The following ABCC6 variants were observed in gnomAD, a reference collection of about 807,000 sequenced individuals.
The protein encoded by ABCC6 is ATP binding cassette subfamily C member 6.
Under a neutral mutation model 169.5 loss-of-function variants are expected in ABCC6, and 126 were observed. The ratio of observed to expected loss-of-function variants is 0.74; its 90% CI spans 0.64 to 0.86. ABCC6 has a LOEUF of 0.86. ABCC6 is among the 40% of genes least tolerant of loss of function. The pLI is 0.00. For missense variants in ABCC6, 1,733 were observed against 1,927.2 expected, an observed-to-expected ratio of 0.90 and a Z score of 1.89; for synonymous variants, 752 against 814.7, an observed-to-expected ratio of 0.92 and a Z score of 1.31.
chr16:16,190,152 G>C lies in ABCC6; in HGVS notation c.1635+12C>G, dbSNP rs750152956. On this transcript the variant is annotated intron_variant, in intron 12 of 30. Coordinates refer to ENST00000205557, the MANE Select transcript of ABCC6 (RefSeq NM_001171.6). ...CCAGTGCTGCTCAGCATAGAGACTA[G>C]AGTGACGTCACCAGAAATGTAGACA... 1 of 1,612,990 alleles carries C rather than the reference G, an allele frequency of 6.2e-7. No homozygotes were observed. Among genetic ancestry groups the C allele is most frequent in the South Asian group, 1.1e-5 (1 of 91,002 alleles).
At chr16:16,209,951 G>A (rs1490683321) in intron 6 of ABCC6, among the ~76,000 whole-genome samples, 1 of 151,706 alleles carries the variant, frequency 6.6e-6, no homozygotes, top group Non-Finnish European at 1.5e-5. Context: ...GGCTGGTCTC[G>A]AACTCCCGGC....
Position 16,181,548 on chromosome 16 carries a change from G to C in ABCC6, c.2247+864C>G, listed in dbSNP as rs188804658. Among the ~76,000 whole-genome samples the C allele has an allele frequency of 2.1e-4, 32 of 152,256 alleles. 1 individual carries two copies. In the East Asian group the frequency reaches 6.2e-3, roughly 29 times the overall value. ...GCAGTGCAAAGGCCCTGGGGCCAGAGTGTGCTGTGGGGGATCAGGGAATAT... is the reference window on the plus strand; with the variant it reads ...GCAGTGCAAAGGCCCTGGGGCCAGACTGTGCTGTGGGGGATCAGGGAATAT... On this transcript the variant is annotated intron_variant, in intron 17 of 30. Coordinates refer to ENST00000205557, the MANE Select transcript of ABCC6 (RefSeq NM_001171.6).
intron 15 of ABCC6, among the ~76,000 whole-genome samples, chr16:16,183,530 C>T (rs968667787): frequency 6.6e-6 from 1 of 152,232 alleles, no homozygotes; most frequent in Non-Finnish European, 1.5e-5. Context: ...AGGGTCAAAG[C>T]TAAAGTCCTG....
Position 16,169,682 on chromosome 16 carries a change from G to T in ABCC6, c.2959C>A (p.Arg987Ser), listed in dbSNP as rs761565275. 1 of 1,611,352 alleles carries T rather than the reference G, an allele frequency of 6.2e-7. No individual in the cohort carries two copies. ...CCGAGGAGCCCGAAGATCCCGCCAC[G>T]CAGGGCTGCCTGCGTCTGCTGCCCA... ...VGGQQTQAALRGGIFGLLGCL... is the reference protein window; with the variant it reads ...VGGQQTQAALSGGIFGLLGCL... The change falls in exon 22 of 31, where the codon CGT (arginine) becomes AGT (serine). Residue 987 changes from arginine (R) to serine (S), a missense_variant. Physicochemically the swap from Arg to Ser is moderately radical, Grantham distance 110. Around this residue, in one of 5 missense-constraint regions of ABCC6, gnomAD observed 1,601 missense variants for 1,635.5 expected, o/e 0.98. Transcript: ENST00000205557.
At chr16:16,209,025 A>G (rs1352889403) in intron 6 of ABCC6, among the ~76,000 whole-genome samples, 166 bp from the exon 7 acceptor site, 1 of 152,036 alleles carries the variant, frequency 6.6e-6, no homozygotes, top group East Asian at 1.9e-4. Flanking sequence ...TAATGTCTGC[A>G]GGGCATTTCT....
intron 4 of ABCC6, 55 bp downstream of exon 4, chr16:16,219,499 C>T: frequency 2.6e-6 from 4 of 1,539,822 alleles, no homozygotes; most frequent in Admixed American, 1.9e-5. Context: ...AAGGAAGGGA[C>T]CCAAGGCATG....
intron 10 of ABCC6, among the ~76,000 whole-genome samples, 177 bp downstream of exon 10, chr16:16,197,844 A>C (rs1419810036): frequency 6.6e-6 from 1 of 151,720 alleles, no homozygotes; most frequent in Non-Finnish European, 1.5e-5. Flanking sequence ...TGCCTCTCTG[A>C]CACCAACCTG....
intron 25 of ABCC6, among the ~76,000 whole-genome samples, chr16:16,161,141 TC>T (rs1297650234): frequency 4.6e-5 from 7 of 152,202 alleles, no homozygotes; most frequent in African/African-American, 1.7e-4. Context: ...ACTAGAAATG[TC>T]CTCCACAGGA....
intron 21 of ABCC6, 85 bp downstream of exon 21, chr16:16,173,199 G>A: frequency 6.3e-7 from 1 of 1,579,940 alleles, no homozygotes; most frequent in Non-Finnish European, 8.7e-7. Context: ...GAGTATCACT[G>A]CCAAGTGCTA....
Position 16,188,761 on chromosome 16 carries a change from T to G in ABCC6, c.1779+70A>C, listed in dbSNP as rs1420784878. On this transcript the variant is annotated intron_variant, in intron 13 of 30. Transcript: ENST00000205557. ...CCCTCTCCTCTGCAAATGGCAGGGG[T>G]AGGGAAGCTGGAGCCAGGTGTAGCC... The G allele has an allele frequency of 2.6e-6, 4 of 1,542,548 alleles. No homozygotes were observed. In the African/African-American group the frequency reaches 4.1e-5, roughly 16 times the overall value.
At chr16:16,208,322 T>TG (rs2048461906) in intron 7 of ABCC6, among the ~76,000 whole-genome samples, 1 of 151,698 alleles carries the variant, frequency 6.6e-6, no homozygotes, top group African/African-American at 2.4e-5. Context: ...GGGGCTGGAC[T>TG]GGGGGTCAAA....
rs943238648 is a variant in ABCC6, at chr16:16,173,277, T to C, written c.2787+7A>G. 6.2e-7 allele frequency: 1 copy of C among 1,613,366 alleles called. No homozygotes were observed. The highest frequency in any genetic ancestry group is 1.7e-5 in the Admixed American group (1 of 59,932). ...GGTGGGGAGGGGTGGGTGAAGCTGG[T>C]GGTTACCCTGCCGTATTGGATGCTG... On this transcript the variant is annotated splice_region_variant and intron_variant, in intron 21 of 30. Coordinates refer to ENST00000205557, the MANE Select transcript of ABCC6 (RefSeq NM_001171.6).
At chr16:16,179,834 G>A (rs212069) in intron 17 of ABCC6, among the ~76,000 whole-genome samples, 79,220 of 151,934 alleles carry the variant, frequency 0.52, 21,078 homozygotes, top group Non-Finnish European at 0.57. Context: ...CAGGTGATCC[G>A]CCCACCTTGG....
chr16:16,175,989 G>T lies in ABCC6; in HGVS notation c.2591-3C>A. On this transcript the variant is annotated splice_region_variant and splice_polypyrimidine_tract_variant and intron_variant, in intron 19 of 30. Coordinates refer to ENST00000205557, the MANE Select transcript of ABCC6 (RefSeq NM_001171.6). ...GGTGCTGGTCCCAGGTTCTGTTTCTGCAAGGTCAAGAGAGTCCTGTCACGC... is the reference window on the plus strand; with the variant it reads ...GGTGCTGGTCCCAGGTTCTGTTTCTTCAAGGTCAAGAGAGTCCTGTCACGC... 1 of 1,614,056 alleles carries T rather than the reference G, an allele frequency of 6.2e-7. No homozygotes were observed. The highest frequency in any genetic ancestry group is 8.5e-7 in the Non-Finnish European group (1 of 1,180,008).
intron 21 of ABCC6, among the ~76,000 whole-genome samples, chr16:16,172,466 A>C (rs1471961069): frequency 0.013 from 1,761 of 137,794 alleles, no homozygotes; most frequent in African/African-American, 0.015. Context: ...GGATGGATGG[A>C]TAAATGAGTG....
At chr16:16,183,149 C>T (rs946364166) in intron 15 of ABCC6, among the ~76,000 whole-genome samples, 1 of 152,178 alleles carries the variant, frequency 6.6e-6, no homozygotes, top group Non-Finnish European at 1.5e-5. Flanking sequence ...CACATGCATG[C>T]ACATTTGCAC....
intron 22 of ABCC6, among the ~76,000 whole-genome samples, chr16:16,169,214 C>G (rs913801981): frequency 6.6e-6 from 1 of 152,342 alleles, no homozygotes; most frequent in East Asian, 1.9e-4. Flanking sequence ...GCAGACTGTT[C>G]AAGGTAGCTG....
At position 16,190,330 on chromosome 16, in the gene ABCC6, A is replaced by G. The variant is rs2047807496; in HGVS notation, c.1469T>C (p.Leu490Pro). The change falls in exon 12 of 31, where the codon CTC (leucine) becomes CCC (proline). Residue 490 changes from leucine to proline, a missense_variant. Physicochemically the swap from Leu to Pro is moderately conservative, Grantham distance 98 (BLOSUM62 -3). Coordinates refer to ENST00000205557, the MANE Select transcript of ABCC6 (RefSeq NM_001171.6). ...QMRQKDSRARLTSSILRNSKT... is the reference protein window; with the variant it reads ...QMRQKDSRARPTSSILRNSKT... Reference sequence around the variant, plus strand: ...CGAGTTCCTGAGGATAGAGCTGGTGAGCCGTGCCCGTGAGTCCTTCTGCCT... The same window carrying G: ...CGAGTTCCTGAGGATAGAGCTGGTGGGCCGTGCCCGTGAGTCCTTCTGCCT... 6.2e-7 allele frequency: 1 copy of G among 1,614,010 alleles called. No individual in the cohort carries two copies. Among genetic ancestry groups the G allele is most frequent in the Non-Finnish European group, 8.5e-7 (1 of 1,180,044 alleles).
intron 11 of ABCC6, among the ~76,000 whole-genome samples, chr16:16,191,773 C>A (rs964100599): frequency 1.3e-5 from 2 of 151,022 alleles, no homozygotes; most frequent in African/African-American, 4.9e-5. Flanking sequence ...TCCCTCCCTC[C>A]TTTTCTCTCC....
Sources: allele counts gnomAD v4.1 joint callset (sites outside exome capture counted in the v4.1 genomes callset), GRCh38; gene constraint gnomAD v4.1.1; regional missense constraint gnomAD v4.1.1; transcripts MANE v1.5; gene names NCBI Gene and HGNC (gene_info 2026-07-23, HGNC 2026-07-21).